PHF3: variants seen among roughly 807,000 people sequenced by gnomAD.
PHF3 encodes PHD finger protein 3.
PHF3 carries 41 observed loss-of-function variants against 178.4 expected under a neutral mutation model. The ratio of observed to expected loss-of-function variants is 0.23; its 90% CI spans 0.18 to 0.30. The LOEUF (loss-of-function observed/expected upper bound fraction) is 0.30. PHF3 is among the 10% of genes least tolerant of loss of function. The pLI is 1.00. For missense variants in PHF3, 2,346 were observed against 2,398.1 expected (o/e 0.98, Z 0.45); for synonymous variants, 842 against 800.5 (o/e 1.05, Z -0.88).
Position 63,685,637 on chromosome 6 carries a change from A to G in PHF3, c.1915A>G (p.Thr639Ala). ...TCAGCAACAGGCCCCAGCAATGAAA[A>G]CCAATAGTCACGTGAAGGAAGAGCT... ...KPQQQAPAMK[T>A]NSHVKEELEH... is the part of the protein sequence containing the mutation. Residue 639 changes from threonine to alanine, a missense_variant, in exon 4 of 16, where the codon ACC becomes GCC. This residue lies in a region of PHF3 where 843 missense variants were observed against 795.2 expected (regional missense o/e 1.06). Coordinates refer to ENST00000262043, the MANE Select transcript of PHF3 (RefSeq NM_001370348.2). 6.2e-7 allele frequency: 1 copy of G among 1,614,082 alleles called. No individual in the cohort carries two copies. Among genetic ancestry groups the G allele is most frequent in the Non-Finnish European group, 8.5e-7 (1 of 1,179,998 alleles).
rs887350930 is a variant in PHF3, at chr6:63,718,866, A to T, written c.*5158A>T. On this transcript the variant is annotated 3_prime_UTR_variant, in exon 16 of 16. Coordinates refer to ENST00000262043, the MANE Select transcript of PHF3 (RefSeq NM_001370348.2). ...TTATACATAAAGTATGTTTTCTGAAAGGTTAGATTTGATTACCAGCTGCCA... is the reference window on the plus strand; with the variant it reads ...TTATACATAAAGTATGTTTTCTGAATGGTTAGATTTGATTACCAGCTGCCA... Among the ~76,000 whole-genome samples, 1 of 152,030 alleles carries T rather than the reference A, an allele frequency of 6.6e-6. No homozygotes were observed. Among genetic ancestry groups the T allele is most frequent in the Non-Finnish European group, 1.5e-5 (1 of 67,934 alleles).
intron 4 of PHF3, among the ~76,000 whole-genome samples, chr6:63,688,053 G>T (rs933299626): frequency 2.0e-5 from 3 of 151,132 alleles, no homozygotes; most frequent in Non-Finnish European, 4.4e-5. Context: ...GCGTGCTGGC[G>T]GGCGCCTGTA....
Position 63,659,615 on chromosome 6 carries a change from A to T in PHF3, c.244+12820A>T, listed in dbSNP as rs139246595. Among the ~76,000 whole-genome samples the T allele has an allele frequency of 1.2e-3, 180 of 152,318 alleles. 1 individual carries two copies. The East Asian group carries it at 0.015, about 13-fold the overall frequency. On this transcript the variant is annotated intron_variant, in intron 2 of 15. Coordinates refer to ENST00000262043, the MANE Select transcript of PHF3 (RefSeq NM_001370348.2). ...AGATACTACAGGTTGAGTATCCCTT[A>T]CCTGAAATGCTTAGGACCAGAAGTG...
At chr6:63,651,628 C>T (rs893202293) in intron 2 of PHF3, among the ~76,000 whole-genome samples, 1 of 152,158 alleles carries the variant, frequency 6.6e-6, no homozygotes, top group East Asian at 1.9e-4. Context: ...TCCCAAAGTG[C>T]TGGGATTACA....
rs1767636307 is a variant in PHF3 at position 63,705,152 on chromosome 6, T to C, written c.3368-877T>C. 1.3e-5 allele frequency among the ~76,000 whole-genome samples: 2 copies of C among 152,250 alleles called. 1 individual carries two copies. Among genetic ancestry groups the C allele is most frequent in the African/African-American group, 4.8e-5 (2 of 41,460 alleles). ...AACCTGGATACAGATAATACAGATTTGTCTTAGTTCTTCATGTTACTTCTC... is the reference window on the plus strand; with the variant it reads ...AACCTGGATACAGATAATACAGATTCGTCTTAGTTCTTCATGTTACTTCTC... On this transcript the variant is annotated intron_variant, in intron 11 of 15. Coordinates refer to ENST00000262043, the MANE Select transcript of PHF3 (RefSeq NM_001370348.2).
intron 1 of PHF3, 86 bp downstream of exon 1, chr6:63,636,236 CCTCTCCGCCCCTCCCGCGGCGGA>C (rs1367553541): frequency 1.6e-5 from 5 of 315,968 alleles, no homozygotes; most frequent in East Asian, 4.9e-5. Context: ...CCTCCGCGGG[CCTCTCCGCCCCTCCCGCGGCGGA>C]CTCTCCGCGC....
At chr6:63,707,504 CAG>C (rs1767744863) in intron 13 of PHF3, among the ~76,000 whole-genome samples, 1 of 152,154 alleles carries the variant, frequency 6.6e-6, no homozygotes, top group South Asian at 2.1e-4. Flanking sequence ...ATAAATGAGA[CAG>C]TGACATTTTT....
At chr6:63,694,865 A>ATTAAATG in intron 6 of PHF3, 101 bp downstream of exon 6, 1 of 666,708 alleles carries the variant, frequency 1.5e-6, no homozygotes, top group Non-Finnish European at 2.1e-6. Context: ...ATTTAACATT[A>ATTAAATG]TTAAATGTTG....
At chr6:63,701,681 C>A (rs1000838824) in intron 9 of PHF3, among the ~76,000 whole-genome samples, 6 of 152,122 alleles carry the variant, frequency 3.9e-5, no homozygotes, top group Non-Finnish European at 8.8e-5. Flanking sequence ...TTTGACATAT[C>A]ATACTTCTTC....
chr6:63,698,668 T>C (rs1767341731), intron 8 of PHF3, 63 bp downstream of exon 8: 1 of 1,132,934 alleles, frequency 8.8e-7, no homozygotes, highest in East Asian at 2.4e-5. Flanking sequence ...GTATCTCAGA[T>C]TGTAATACAG....
intron 2 of PHF3, among the ~76,000 whole-genome samples, chr6:63,658,721 T>C (rs1765342011): frequency 2.2e-5 from 1 of 46,192 alleles, no homozygotes; most frequent in Admixed American, 2.4e-4. Context: ...TGTGTGTGTG[T>C]GTGTGTGTGT....
In PHF3 at chr6:63,718,338, T is replaced by TAAGAGTG. The variant is rs1405290552; in HGVS notation, c.*4630_*4631insAAGAGTG. Among the ~76,000 whole-genome samples the TAAGAGTG allele has an allele frequency of 6.6e-6, 1 of 152,010 alleles. No individual in the cohort carries two copies. Among genetic ancestry groups the TAAGAGTG allele is most frequent in the Non-Finnish European group, 1.5e-5 (1 of 67,934 alleles). On this transcript the variant is annotated 3_prime_UTR_variant, in exon 16 of 16. Transcript: ENST00000262043. The stretch of plus-strand genomic sequence containing the variant: ...GGCAGCAATTCTCAAACTTTTGTTT[T>TAAGAGTG]CAAGACCCCTTACACTCTTAAAAAT...
In PHF3 at chr6:63,698,250, A is replaced by G. The variant is rs1472296435; in HGVS notation, c.2708A>G (p.Lys903Arg). Residue 903 changes from lysine (K) to arginine (R), a missense_variant, in exon 7 of 16, where the codon AAG becomes AGG. Physicochemically the swap from Lys to Arg is conservative, Grantham distance 26. This residue lies in a region of PHF3 where 252 missense variants were observed against 232.0 expected (regional missense o/e 1.09). Coordinates refer to ENST00000262043, the MANE Select transcript of PHF3 (RefSeq NM_001370348.2). ...ACTCATGAGAAGCAAGAGATGAAAA[A>G]GAAGAAAGTTGAAAAAGGAGTGCTT... ...PGTHEKQEMK[K>R]KKVEKGVLNV... 1 of 1,611,754 alleles carries G rather than the reference A, an allele frequency of 6.2e-7. No individual in the cohort carries two copies. Among genetic ancestry groups the G allele is most frequent in the Non-Finnish European group, 8.5e-7 (1 of 1,178,524 alleles).
chr6:63,709,744 G>A (rs1054869565), intron 14 of PHF3, among the ~76,000 whole-genome samples: 1 of 152,150 alleles, frequency 6.6e-6, no homozygotes, highest in East Asian at 1.9e-4. Context: ...TAGTCACATA[G>A]CCATCCATAC....
In PHF3 at chr6:63,712,511, G is replaced by A. The variant is rs1241445744; in HGVS notation, c.4923G>A (p.Arg1641=). Residue 1641 remains arginine (R), a synonymous_variant, in exon 16 of 16, where the codon AGG becomes AGA. Coordinates refer to ENST00000262043, the MANE Select transcript of PHF3 (RefSeq NM_001370348.2). The part of the protein sequence containing the change: ...CSENLVANTA[R]SPQFINLKRD... ...AAAACCTTGTTGCTAATACAGCGAGGTCTCCACAGTTTATCAACCTGAAAA... is the reference window on the plus strand; with the variant it reads ...AAAACCTTGTTGCTAATACAGCGAGATCTCCACAGTTTATCAACCTGAAAA... 8.1e-6 allele frequency: 13 copies of A among 1,613,806 alleles called. No individual in the cohort carries two copies. The highest frequency in any genetic ancestry group is 1.1e-5 in the Non-Finnish European group (13 of 1,179,900).
rs1024814939 is a variant in PHF3 at position 63,719,958 on chromosome 6, A to G, written c.*6250A>G. The stretch of plus-strand genomic sequence containing the variant: ...TATGTTTTAAGTTGCACATATTGTA[A>G]TATCTATTGATGTCTTACTATAAAA... On this transcript the variant is annotated 3_prime_UTR_variant, in exon 16 of 16. Transcript: ENST00000262043. 6.6e-6 allele frequency: 1 copy of G among 152,026 alleles called. No individual in the cohort carries two copies. The highest frequency in any genetic ancestry group is 1.5e-5 in the Non-Finnish European group (1 of 67,958). The allele number at this position is 152,026 out of a possible 1,614,324, so 9.4% of individuals were successfully genotyped here. A position where few individuals can be genotyped will look rare whatever the true frequency, so the allele number is the denominator to read the frequency against.
chr6:63,701,943 T>A (rs1767494696), intron 9 of PHF3, among the ~76,000 whole-genome samples: 1 of 152,206 alleles, frequency 6.6e-6, no homozygotes, highest in African/African-American at 2.4e-5. Context: ...TTACCTGTTC[T>A]ATTCCTGGCT....
At chr6:63,646,399 T>G (rs1764786896) in intron 1 of PHF3, 128 bp from the exon 2 acceptor site, 1 of 547,150 alleles carries the variant, frequency 1.8e-6, no homozygotes, top group South Asian at 3.4e-5. Context: ...GAGGATTTTT[T>G]TTTTAAACAA....
At chr6:63,654,411 G>A (rs1309887286) in intron 2 of PHF3, among the ~76,000 whole-genome samples, 1 of 152,292 alleles carries the variant, frequency 6.6e-6, no homozygotes, top group East Asian at 1.9e-4. Flanking sequence ...AACCTTGTAA[G>A]CACATACATA....
Sources: allele counts gnomAD v4.1 joint callset (sites outside exome capture counted in the v4.1 genomes callset), GRCh38; gene constraint gnomAD v4.1.1; regional missense constraint gnomAD v4.1.1; transcripts MANE v1.5; gene names NCBI Gene and HGNC (gene_info 2026-07-23, HGNC 2026-07-21).